Variants in ZNF799 observed in about 807,000 individuals in gnomAD.
ZNF799 encodes the protein zinc finger protein 799, also known as zinc finger protein 14.
In ZNF799, 28 loss-of-function variants were observed where a neutral mutation model predicts 41.0. That is an observed-to-expected ratio of 0.68 (90% confidence interval 0.51 to 0.94). The LOEUF is 0.94. Among genes scored for constraint, ZNF799 ranks in the 40% least tolerant of loss-of-function variants. The pLI is 0.00. For synonymous variants in ZNF799, 213 were observed against 252.9 expected (o/e 0.84, Z 1.50); for missense variants, 716 against 764.3 (o/e 0.94, Z 0.74).
intron 1 of ZNF799, among the ~76,000 whole-genome samples, chr19:12,395,384 C>T (rs1481868259): frequency 2.0e-5 from 3 of 152,134 alleles, no homozygotes; most frequent in South Asian, 2.1e-4. Flanking sequence ...TCAAATGATC[C>T]GCCTGCCTTA....
chr19:12,408,197 A>G, the ZNF799 span, among the ~76,000 whole-genome samples: 30 of 152,290 alleles, frequency 2.0e-4, no homozygotes, highest in South Asian at 5.6e-3. Context: ...AAAGAAAATG[A>G]AACAAGTAGT....
rs1238541139 is a variant in ZNF799 at position 12,390,827 on chromosome 19, C to A, written c.1571G>T (p.Arg524Ile). The change falls in exon 4 of 4, where the codon AGA becomes ATA. Residue 524 changes from arginine (R) to isoleucine (I), a missense_variant. Physicochemically the swap from Arg to Ile is moderately conservative, Grantham distance 97. This residue lies in a region of ZNF799 where 698 missense variants were observed against 713.6 expected (regional missense o/e 0.98). Coordinates refer to ENST00000430385, the MANE Select transcript of ZNF799 (RefSeq NM_001080821.3). The stretch of plus-strand genomic sequence containing the variant: ...ATACGGCTTCTCTCCAGAGTGAATT[C>A]TTTCATGTACTTTTAAGTTACCAAA... Reference protein sequence around the residue: ...SHFGNLKVHERIHSGEKPYEC... With the variant: ...SHFGNLKVHEIIHSGEKPYEC... The A allele has an allele frequency of 5.6e-6, 9 of 1,614,090 alleles. No individual in the cohort carries two copies. Among genetic ancestry groups the A allele is most frequent in the Non-Finnish European group, 7.6e-6 (9 of 1,179,992 alleles).
rs754163428 is a variant in ZNF799 at position 12,391,970 on chromosome 19, T to G, written c.428A>C (p.His143Pro). 2.5e-6 allele frequency: 4 copies of G among 1,614,208 alleles called. No individual in the cohort carries two copies. In the South Asian group the frequency reaches 4.4e-5, roughly 18 times the overall value. The change falls in exon 4 of 4, where the codon CAT (histidine) becomes CCT (proline). Residue 143 changes from histidine to proline, a missense_variant. Coordinates refer to ENST00000430385, the MANE Select transcript of ZNF799 (RefSeq NM_001080821.3). ...ACTGAAGGCTTTCCCACGTTGTTTA[T>G]GCGTATCTGGCTTCTCTCCACATTC... ...YHECGEKPDT[H>P]KQRGKAFSYH...
intron 1 of ZNF799, among the ~76,000 whole-genome samples, chr19:12,399,211 C>A (rs749860368): frequency 2.0e-5 from 3 of 152,206 alleles, no homozygotes; most frequent in Non-Finnish European, 2.9e-5. Flanking sequence ...CATCCTATCA[C>A]CTGGGACATC....
the ZNF799 span, among the ~76,000 whole-genome samples, chr19:12,412,544 G>GA: frequency 0.42 from 61,275 of 146,758 alleles, 13,749 homozygotes; most frequent in Non-Finnish European, 0.51. Flanking sequence ...AAATTTGTCA[G>GA]AAAAAAAAAA....
intron 3 of ZNF799, 67 bp downstream of exon 3, chr19:12,392,536 T>C: frequency 1.4e-6 from 2 of 1,429,894 alleles, no homozygotes. Context: ...TTTGCTTGTT[T>C]TTAAATTTTC....
upstream of ZNF799, among the ~76,000 whole-genome samples, chr19:12,404,980 G>A (rs371670162): frequency 8.5e-5 from 13 of 152,236 alleles, no homozygotes; most frequent in East Asian, 7.7e-4. Flanking sequence ...TTAATCTGGT[G>A]GGCACAATCT....
intron 1 of ZNF799, among the ~76,000 whole-genome samples, chr19:12,395,848 C>T (rs1969887869): frequency 1.3e-5 from 2 of 152,256 alleles, no homozygotes; most frequent in Non-Finnish European, 2.9e-5. Flanking sequence ...GAGCCATCCA[C>T]AAAGACTGGA....
At chr19:12,406,184 A>AT (rs1970028678), upstream of ZNF799, among the ~76,000 whole-genome samples, 1 of 150,196 alleles carries the variant, frequency 6.7e-6, no homozygotes, top group Non-Finnish European at 1.5e-5. Context: ...AAAAAAAAAA[A>AT]AGAAAAAAAA....
In ZNF799 at chr19:12,390,316, A is replaced by G. The variant is rs532337597; in HGVS notation, c.*150T>C. The G allele has an allele frequency of 2.6e-3, 3,653 of 1,432,132 alleles. 13 individuals are homozygous for G. The highest frequency in any genetic ancestry group is 3.2e-3 in the Non-Finnish European group (3,442 of 1,061,606). The allele number at this position is 1,432,132 out of a possible 1,614,324, so 88.7% of individuals were successfully genotyped here. ...ACCAATACCCAGCAGGTATCAAGGGATGACTGTACTGGAAAGAAACTGAAA... is the reference window on the plus strand; with the variant it reads ...ACCAATACCCAGCAGGTATCAAGGGGTGACTGTACTGGAAAGAAACTGAAA... On this transcript the variant is annotated 3_prime_UTR_variant, in exon 4 of 4. Transcript: ENST00000430385.
the ZNF799 span, among the ~76,000 whole-genome samples, chr19:12,414,144 C>T: frequency 6.6e-6 from 1 of 152,040 alleles, no homozygotes. Flanking sequence ...CTCGCGGCAG[C>T]TCCCTTATTC....
Position 12,390,484 on chromosome 19 carries a change from T to A in ZNF799, c.1914A>T (p.Arg638Ser), listed in dbSNP as rs371442846. 5.0e-6 allele frequency: 8 copies of A among 1,613,866 alleles called. No individual in the cohort carries two copies. The African/African-American group carries it at 1.1e-4, about 22-fold the overall frequency. The change falls in exon 4 of 4, where the codon AGA (arginine) becomes AGT (serine). Residue 638 changes from arginine to serine, a missense_variant. Transcript: ENST00000430385. ...GAGAATGCTAGTGAGTCTTTTTATG[T>A]CTATGCAAGGAACTGAGAGAAGCAA... ...KAFASLSSLH[R>S]HKKTH
chr19:12,403,218 T>C (rs1168702741), upstream of ZNF799, among the ~76,000 whole-genome samples: 1 of 152,210 alleles, frequency 6.6e-6, no homozygotes, highest in Non-Finnish European at 1.5e-5. Context: ...TTTATTGGCA[T>C]ATAGTTGTTC....
In ZNF799 at chr19:12,400,822, C is replaced by A. The variant is rs1969968881; in HGVS notation, c.3+246G>T. On this transcript the variant is annotated intron_variant, in intron 1 of 3. Transcript: ENST00000430385. ...CACAATCTCGGGAGACGCGAGGCTG[C>A]GGGCGCGGAGCTGCCCAGAGAGGGC... 9.8e-6 allele frequency: 6 copies of A among 609,654 alleles called. No homozygotes were observed. In the South Asian group the frequency reaches 1.0e-4, roughly 10 times the overall value. 37.8% of individuals were successfully genotyped at this position (609,654 alleles called of 1,614,324 possible).
chr19:12,414,925 G>GAAGAA, the ZNF799 span, among the ~76,000 whole-genome samples: 1 of 152,102 alleles, frequency 6.6e-6, no homozygotes, highest in Non-Finnish European at 1.5e-5. Context: ...CTTGCACACT[G>GAAGAA]TGGAAACACT....
chr19:12,401,543 T>A (rs1475576983), upstream of ZNF799, among the ~76,000 whole-genome samples: 1 of 21,002 alleles, frequency 4.8e-5, no homozygotes, highest in Non-Finnish European at 9.8e-5. Flanking sequence ...CAATTATACT[T>A]TTTTTTTTTT....
chr19:12,401,541 CTTTTTTT>C (rs769048606), upstream of ZNF799, among the ~76,000 whole-genome samples: 50 of 41,744 alleles, frequency 1.2e-3, no homozygotes, highest in South Asian at 7.8e-3. Context: ...AACAATTATA[CTTTTTTT>C]TTTTTTTTTT....
At position 12,391,643 on chromosome 19, in the gene ZNF799, A is replaced by G. The variant is rs4804669; in HGVS notation, c.755T>C (p.Leu252Pro). The change falls in exon 4 of 4, where the codon CTG becomes CCG. Residue 252 changes from leucine to proline, a missense_variant. Transcript: ENST00000430385. ...RHERTHTGEK[L>P]YECKQCSKAF... The stretch of plus-strand genomic sequence containing the variant: ...TTTAGAACACTGTTTACATTCATAC[A>G]GTTTCTCCCCAGTATGTGTTCTTTC... The G allele has an allele frequency of 0.77, 1,248,200 of 1,613,620 alleles. 487,770 individuals carry two copies. Among genetic ancestry groups the G allele is most frequent in the African/African-American group, 0.96 (72,088 of 75,000 alleles).
At position 12,390,927 on chromosome 19, in the gene ZNF799, G is replaced by C. The variant is rs774584300; in HGVS notation, c.1471C>G (p.Leu491Val). The part of the protein sequence containing the change: ...CGKAFSCFQY[L>V]SQHRRTHTGE... ...GTGTGAGTCCTTCTATGTTGAGAAA[G>C]GTATTGGAAACAACTGAATGCTTTC... Residue 491 changes from leucine to valine, a missense_variant, in exon 4 of 4, where the codon CTT (leucine) becomes GTT (valine). By Grantham distance (32) the Leu-to-Val change is conservative. This residue lies in a region of ZNF799 where 698 missense variants were observed against 713.6 expected (regional missense o/e 0.98). Transcript: ENST00000430385. 5 of 1,611,120 alleles carry C rather than the reference G, an allele frequency of 3.1e-6. No homozygotes were observed. The highest frequency in any genetic ancestry group is 4.2e-6 in the Non-Finnish European group (5 of 1,179,084).
Sources: gnomAD v4.1 joint callset for allele counts (sites outside exome capture counted in the v4.1 genomes callset) on GRCh38, gnomAD v4.1.1 for gene constraint, gnomAD v4.1.1 regional missense constraint, MANE v1.5 for transcripts, NCBI Gene and HGNC (gene_info 2026-07-23, HGNC 2026-07-21) for gene names.